Variants in QSER1 observed in about 807,000 individuals in gnomAD.
The protein encoded by QSER1 is glutamine and serine-rich protein 1.
Under a neutral mutation model 158.5 loss-of-function variants are expected in QSER1, and 49 were observed. The observed-to-expected ratio is 0.31, with a 90% CI of 0.25 to 0.39. The LOEUF (loss-of-function observed/expected upper bound fraction) is 0.39. Ranked by LOEUF, QSER1 falls within the 10% of genes least tolerant of loss-of-function variation. QSER1 has a pLI of 1.00. For synonymous variants in QSER1, 650 were observed against 715.5 expected, an observed-to-expected ratio of 0.91 and a Z score of 1.46; for missense variants, 1,754 against 2,010.3, an observed-to-expected ratio of 0.87 and a Z score of 2.44.
chr11:32,953,784 G>C, intron 4 of QSER1, 73 bp from the exon 5 acceptor site: 1 of 1,498,026 alleles, frequency 6.7e-7, no homozygotes, highest in South Asian at 1.4e-5. Context: ...TTTTTAAACT[G>C]TTTTGAGTTT....
At chr11:32,948,113 A>G (rs776060459) in intron 4 of QSER1, among the ~76,000 whole-genome samples, 9 of 152,230 alleles carry the variant, frequency 5.9e-5, no homozygotes, top group Middle Eastern at 3.2e-3. Context: ...GAAAGGAACA[A>G]AGAAAAACTC....
chr11:32,947,759 T>G (rs1486029715), intron 4 of QSER1, among the ~76,000 whole-genome samples: 1 of 152,204 alleles, frequency 6.6e-6, no homozygotes, highest in Admixed American at 6.5e-5. Flanking sequence ...TATGTTATAT[T>G]ATTTTTCTAA....
chr11:32,905,695 C>T (rs1370617142), intron 1 of QSER1, among the ~76,000 whole-genome samples: 1 of 152,046 alleles, frequency 6.6e-6, no homozygotes, highest in Non-Finnish European at 1.5e-5. Flanking sequence ...TTCTAAGACT[C>T]GTAAGTTGTG....
At chr11:32,923,329 G>A (rs554515089) in intron 1 of QSER1, among the ~76,000 whole-genome samples, 1 of 152,320 alleles carries the variant, frequency 6.6e-6, no homozygotes, top group South Asian at 2.1e-4. Flanking sequence ...TTGTGGTGAT[G>A]GAAGTGTTCT....
intron 3 of QSER1, among the ~76,000 whole-genome samples, chr11:32,930,066 T>G (rs541243919): frequency 6.6e-6 from 1 of 152,362 alleles, no homozygotes; most frequent in African/African-American, 2.4e-5. Context: ...CGACTAAAAC[T>G]GAATCAATCC....
At chr11:32,907,473 C>G (rs1851709434) in intron 1 of QSER1, among the ~76,000 whole-genome samples, 1 of 152,100 alleles carries the variant, frequency 6.6e-6, no homozygotes, top group Admixed American at 6.5e-5. Context: ...AAAATTGACT[C>G]TACGGTTTTC....
rs1564951625 is a variant in QSER1, at chr11:32,976,989, A to G, written c.*515A>G. 2.0e-5 allele frequency: 3 copies of G among 152,796 alleles called. No homozygotes were observed. Among genetic ancestry groups the G allele is most frequent in the Non-Finnish European group, 4.4e-5 (3 of 68,180 alleles). 9.5% of individuals were successfully genotyped at this position (152,796 alleles called of 1,614,324 possible). A position where few individuals can be genotyped will look rare whatever the true frequency, so the allele number is the denominator to read the frequency against. ...TAAGAATATCATCAATTTAAAATAT[A>G]AAATTTGGAAACTATTCTGCTTTAC... On this transcript the variant is annotated 3_prime_UTR_variant, in exon 13 of 13. Transcript: ENST00000650167.
At chr11:32,910,990 A>C (rs534117682) in intron 1 of QSER1, among the ~76,000 whole-genome samples, 1 of 152,244 alleles carries the variant, frequency 6.6e-6, no homozygotes, top group African/African-American at 2.4e-5. Context: ...TGTATATGTA[A>C]TATGTGTGTT....
At chr11:32,975,735 AATT>A in intron 12 of QSER1, 1 of 818,292 alleles carries the variant, frequency 1.2e-6, no homozygotes, top group African/African-American at 1.9e-5. Flanking sequence ...TATCCCACTT[AATT>A]GCAGAGAAGT....
chr11:32,975,649 T>C (rs1424020308), intron 12 of QSER1: 8 of 1,191,592 alleles, frequency 6.7e-6, no homozygotes, highest in Non-Finnish European at 8.4e-6. Context: ...TCTCACAGTG[T>C]ATGATGATCT....
intron 8 of QSER1, among the ~76,000 whole-genome samples, chr11:32,965,944 A>AAC (rs5790910): frequency 0.029 from 3,547 of 123,576 alleles, 118 homozygotes; most frequent in African/African-American, 0.071. Flanking sequence ...TCTGTCTCAA[A>AAC]ACACACACAC....
chr11:32,975,364 T>TA (rs747734792), intron 12 of QSER1, 21 bp downstream of exon 12: 78 of 1,605,370 alleles, frequency 4.9e-5, no homozygotes, highest in African/African-American at 1.2e-4. Flanking sequence ...CTCATTTACT[T>TA]AAAAAAAATG....
chr11:32,934,623 C>T lies in QSER1; in HGVS notation c.3365C>T (p.Ala1122Val), dbSNP rs758725716. Residue 1122 changes from alanine to valine, a missense_variant, in exon 4 of 13, where the codon GCT becomes GTT. Around this residue, in one of 2 missense-constraint regions of QSER1, gnomAD observed 1,707 missense variants for 1,919.6 expected, o/e 0.89. Coordinates refer to ENST00000650167, the MANE Select transcript of QSER1 (RefSeq NM_001076786.3). Reference sequence around the variant, plus strand: ...CTTGAATCTGAAGAAGACAGTGAAGCTCCTGTTGATAGTACATTAAATAAT... The same window carrying T: ...CTTGAATCTGAAGAAGACAGTGAAGTTCCTGTTGATAGTACATTAAATAAT... ...TNLESEEDSE[A>V]PVDSTLNNNR... 3.1e-6 allele frequency: 5 copies of T among 1,613,654 alleles called. No homozygotes were observed. The highest frequency in any genetic ancestry group is 3.3e-4 in the Middle Eastern group (2 of 6,056).
At chr11:32,946,971 G>A (rs1017301486) in intron 4 of QSER1, among the ~76,000 whole-genome samples, 16 of 152,160 alleles carry the variant, frequency 1.1e-4, no homozygotes, top group Non-Finnish European at 1.8e-4. Context: ...TGCAGTATTC[G>A]GGTGGGAGTG....
At chr11:32,975,614 AATG>A in intron 12 of QSER1, 2 of 1,250,816 alleles carry the variant, frequency 1.6e-6, no homozygotes, top group African/African-American at 3.1e-5. Context: ...CGCCATAATA[AATG>A]ATGTTTTATT....
intron 1 of QSER1, among the ~76,000 whole-genome samples, chr11:32,896,817 A>G (rs1851561795): frequency 6.6e-6 from 1 of 152,234 alleles, no homozygotes; most frequent in African/African-American, 2.4e-5. Flanking sequence ...AGTAATGATT[A>G]GCTCTTCTAA....
At chr11:32,901,380 A>G (rs531051105) in intron 1 of QSER1, among the ~76,000 whole-genome samples, 1 of 152,364 alleles carries the variant, frequency 6.6e-6, no homozygotes, top group South Asian at 2.1e-4. Flanking sequence ...CAGAGGTACA[A>G]AAATAATTCA....
chr11:32,969,518 A>C (rs1852812362), intron 10 of QSER1, among the ~76,000 whole-genome samples: 1 of 152,142 alleles, frequency 6.6e-6, no homozygotes, highest in Non-Finnish European at 1.5e-5. Flanking sequence ...TGATTTTTAT[A>C]AGGGTAGGAA....
intron 3 of QSER1, among the ~76,000 whole-genome samples, chr11:32,929,693 G>A (rs1852020357): frequency 6.6e-6 from 1 of 152,146 alleles, no homozygotes. Flanking sequence ...AGTGTGTTAG[G>A]ATAAGGAACA....
Sources: gnomAD v4.1 joint callset for allele counts (sites outside exome capture counted in the v4.1 genomes callset) on GRCh38, gnomAD v4.1.1 for gene constraint, gnomAD v4.1.1 regional missense constraint, MANE v1.5 for transcripts, NCBI Gene and HGNC (gene_info 2026-07-23, HGNC 2026-07-21) for gene names.